The following DIP2B variants were observed in gnomAD, a reference collection of about 807,000 sequenced individuals.
The protein encoded by DIP2B is DIP2 acetate--CoA ligase B (putative).
DIP2B carries 76 observed loss-of-function variants against 198.0 expected under a neutral mutation model. The observed-to-expected ratio is 0.38, with a 90% CI of 0.32 to 0.46. The LOEUF (loss-of-function observed/expected upper bound fraction) is 0.46, where lower values mean the gene tolerates loss of function less well. Among genes scored for constraint, DIP2B ranks in the 20% least tolerant of loss-of-function variants. The probability of loss-of-function intolerance (pLI) is 0.99; values close to 1 mark genes in which losing one functional copy is unlikely to be tolerated. For missense variants in DIP2B, 1,559 were observed against 1,978.4 expected (o/e 0.79, Z 4.02); for synonymous variants, 701 against 739.1 (o/e 0.95, Z 0.84).
intron 1 of DIP2B, among the ~76,000 whole-genome samples, chr12:50,540,395 C>T (rs1958312569): frequency 6.6e-6 from 1 of 151,636 alleles, no homozygotes. Flanking sequence ...AGGCGTGAGC[C>T]ACCGTGCCCA....
At chr12:50,522,294 C>T (rs1958127349) in intron 1 of DIP2B, among the ~76,000 whole-genome samples, 1 of 152,212 alleles carries the variant, frequency 6.6e-6, no homozygotes, top group South Asian at 2.1e-4. Context: ...AGCCACCACA[C>T]CCGGCCACAT....
intron 12 of DIP2B, among the ~76,000 whole-genome samples, chr12:50,689,359 C>T (rs1322151525): frequency 2.1e-4 from 32 of 151,808 alleles, no homozygotes; most frequent in Admixed American, 1.9e-3. Context: ...CCAGCCTGAG[C>T]GAGACTCTGT....
rs114508520 is a variant in DIP2B at position 50,659,829 on chromosome 12, C to T, written c.302-365C>T. On this transcript the variant is annotated intron_variant, in intron 3 of 37. Coordinates refer to ENST00000301180, the MANE Select transcript of DIP2B (RefSeq NM_173602.3). ...AAAAATAATGAGTGTTCTCCAGGCA[C>T]CTGCACAGCGCTCATTCCATTTGAG... Among the ~76,000 whole-genome samples, 221 of 152,230 alleles carry T rather than the reference C, an allele frequency of 1.5e-3. 2 individuals are homozygous for T. Among genetic ancestry groups the T allele is most frequent in the African/African-American group, 4.6e-3 (191 of 41,526 alleles).
intron 1 of DIP2B, among the ~76,000 whole-genome samples, chr12:50,558,204 AT>A (rs1245391075): frequency 1.4e-4 from 22 of 152,376 alleles, no homozygotes; most frequent in Admixed American, 4.6e-4. Context: ...TCTACAAAAA[AT>A]ATTCACAAAT....
chr12:50,555,846 C>T (rs1028448127), intron 1 of DIP2B, among the ~76,000 whole-genome samples: 24 of 152,142 alleles, frequency 1.6e-4, no homozygotes, highest in African/African-American at 5.5e-4. Flanking sequence ...AGTTTCCCAT[C>T]TCTCCTGTGC....
chr12:50,646,902 T>C lies in DIP2B; in HGVS notation c.301+6050T>C, dbSNP rs77524518. On this transcript the variant is annotated intron_variant, in intron 3 of 37. Transcript: ENST00000301180. Reference sequence around the variant, plus strand: ...CACCAAGATCATTTTATTTCTGATATATTCCTCATGCTGTAGAAGGTAAGT... The same window carrying C: ...CACCAAGATCATTTTATTTCTGATACATTCCTCATGCTGTAGAAGGTAAGT... 2.0e-3 allele frequency among the ~76,000 whole-genome samples: 302 copies of C among 152,308 alleles called. 1 individual carries two copies. The highest frequency in any genetic ancestry group is 3.4e-3 in the Non-Finnish European group (234 of 68,028).
chr12:50,641,082 C>T (rs922102741), intron 3 of DIP2B, among the ~76,000 whole-genome samples: 4 of 152,164 alleles, frequency 2.6e-5, no homozygotes, highest in Non-Finnish European at 5.9e-5. Context: ...TCCGGCTGGG[C>T]GATGTGGCTC....
At chr12:50,507,907 T>C (rs974635036) in intron 1 of DIP2B, among the ~76,000 whole-genome samples, 1 of 143,742 alleles carries the variant, frequency 7.0e-6, no homozygotes, top group African/African-American at 2.4e-5. Flanking sequence ...TTTTTCTTTC[T>C]TTCTCTCTTT....
intron 3 of DIP2B, among the ~76,000 whole-genome samples, chr12:50,652,373 A>T (rs1028570548): frequency 1.3e-4 from 19 of 148,612 alleles, no homozygotes; most frequent in African/African-American, 4.5e-4. Flanking sequence ...ACACACACGC[A>T]CACACACACA....
chr12:50,551,117 G>A (rs1958423535), intron 1 of DIP2B, among the ~76,000 whole-genome samples: 5 of 151,006 alleles, frequency 3.3e-5, no homozygotes, highest in Admixed American at 3.3e-4. Context: ...GAAAGAACAT[G>A]AAGTATTTTA....
In DIP2B at chr12:50,732,343, T is replaced by A. The variant is rs1940057775; in HGVS notation, c.3811-23T>A. The A allele has an allele frequency of 1.9e-6, 3 of 1,613,084 alleles. No homozygotes were observed. In the South Asian group the frequency reaches 3.3e-5, roughly 18 times the overall value. ...TCTTTTATGATCCTACTGACTTGGC[T>A]CCCATATAATGGTGTCTTGCAGACC... On this transcript the variant is annotated intron_variant, in intron 31 of 37. Transcript: ENST00000301180.
chr12:50,581,032 T>G (rs1293423941), intron 1 of DIP2B, among the ~76,000 whole-genome samples: 1 of 149,410 alleles, frequency 6.7e-6, no homozygotes, highest in East Asian at 2.3e-4. Context: ...AGAATTGTGG[T>G]TTTATTTTGG....
chr12:50,527,533 T>G lies in DIP2B; in HGVS notation c.100+22293T>G, dbSNP rs746366739. Among the ~76,000 whole-genome samples, 6 of 152,272 alleles carry G rather than the reference T, an allele frequency of 3.9e-5. No individual in the cohort carries two copies. The South Asian group carries it at 1.2e-3, about 32-fold the overall frequency. On this transcript the variant is annotated intron_variant, in intron 1 of 37. Transcript: ENST00000301180. ...AGATTATCCTTGGCCGACAGCACTT[T>G]GGGAGGCCGAGGCGGGAGGATTGCT...
chr12:50,652,184 G>A (rs973754388), intron 3 of DIP2B, among the ~76,000 whole-genome samples: 2 of 152,000 alleles, frequency 1.3e-5, no homozygotes, highest in East Asian at 1.9e-4. Flanking sequence ...GTTGTAGCAG[G>A]CACCTCTAAT....
intron 35 of DIP2B, 101 bp downstream of exon 35, chr12:50,737,211 G>T: frequency 9.2e-7 from 1 of 1,085,190 alleles, no homozygotes; most frequent in South Asian, 1.4e-5. Context: ...GCTTTCCCCC[G>T]TTGTGAATGG....
intron 1 of DIP2B, among the ~76,000 whole-genome samples, chr12:50,525,585 T>G (rs996982491): frequency 6.7e-6 from 1 of 149,136 alleles, no homozygotes; most frequent in African/African-American, 2.5e-5. Flanking sequence ...TACATGGAGC[T>G]CACTGCAGCC....
At chr12:50,674,294 T>C (rs936111470) in intron 5 of DIP2B, among the ~76,000 whole-genome samples, 180 bp from the exon 6 acceptor site, 1 of 152,352 alleles carries the variant, frequency 6.6e-6, no homozygotes. Flanking sequence ...ATACCCTGGC[T>C]TAACTTACTG....
Position 50,727,772 on chromosome 12 carries a change from A to G in DIP2B, c.3470A>G (p.Asp1157Gly). The G allele has an allele frequency of 6.2e-7, 1 of 1,614,160 alleles. No homozygotes were observed. The highest frequency in any genetic ancestry group is 8.5e-7 in the Non-Finnish European group (1 of 1,180,012). The change falls in exon 29 of 38, where the codon GAT (aspartate) becomes GGT (glycine). Residue 1157 changes from aspartate to glycine, a missense_variant. Coordinates refer to ENST00000301180, the MANE Select transcript of DIP2B (RefSeq NM_173602.3). ...PPTPEMLAYL[D>G]FSVSTTGMLT... ...ACTCCTGAGATGTTGGCATATCTTG[A>G]TTTTAGTGTCTCCACAACTGGCATG...
intron 4 of DIP2B, among the ~76,000 whole-genome samples, chr12:50,664,862 T>TTTTTTTTTTTTTTTG (rs1938723356): frequency 1.5e-5 from 1 of 66,112 alleles, no homozygotes; most frequent in African/African-American, 5.2e-5. Context: ...TTTTTTTTTT[T>TTTTTTTTTTTTTTTG]TTTTTTTTTT....
Sources: allele counts gnomAD v4.1 joint callset (sites outside exome capture counted in the v4.1 genomes callset), GRCh38; gene constraint gnomAD v4.1.1; transcripts MANE v1.5; gene names NCBI Gene and HGNC (gene_info 2026-07-23, HGNC 2026-07-21).